Variants in LAP3 observed in about 807,000 individuals in gnomAD.
The protein encoded by LAP3 is leucine aminopeptidase 3.
In LAP3, 46 loss-of-function variants were observed where a neutral mutation model predicts 58.8. That is an observed-to-expected ratio of 0.78 (90% confidence interval 0.62 to 1.00). The LOEUF is 1.00. Among genes scored for constraint, LAP3 ranks in the 50% least tolerant of loss-of-function variants. The pLI, the probability that LAP3 is intolerant of heterozygous loss-of-function variation, is 0.00. For missense variants in LAP3, 615 were observed against 659.1 expected, an observed-to-expected ratio of 0.93 and a Z score of 0.73; for synonymous variants, 257 against 237.7, an observed-to-expected ratio of 1.08 and a Z score of -0.75.
chr4:17,583,314 C>T lies in LAP3; in HGVS notation c.380-169C>T, dbSNP rs1341381686. The T allele has an allele frequency of 1.1e-5, 8 of 723,786 alleles. 1 individual carries two copies. In the African/African-American group the frequency reaches 1.4e-4, roughly 13 times the overall value. 44.8% of individuals were successfully genotyped at this position (723,786 alleles called of 1,614,324 possible). A position where few individuals can be genotyped will look rare whatever the true frequency, so the allele number is the denominator to read the frequency against. ...TGAGGTACTTGCTGTAAAATGCACT[C>T]ACGTCTTCATTTTACAGAAGAGGAA... On this transcript the variant is annotated intron_variant, in intron 4 of 12. Coordinates refer to ENST00000226299, the MANE Select transcript of LAP3 (RefSeq NM_015907.3).
intron 5 of LAP3, 28 bp downstream of exon 5, chr4:17,583,670 G>C: frequency 1.9e-6 from 3 of 1,613,098 alleles, no homozygotes; most frequent in Non-Finnish European, 2.5e-6. Flanking sequence ...GGAGGAGGGT[G>C]GTGCTCCCTG....
chr4:17,581,449 G>A (rs891915164), intron 2 of LAP3, among the ~76,000 whole-genome samples: 3 of 152,046 alleles, frequency 2.0e-5, no homozygotes, highest in African/African-American at 2.4e-5. Context: ...GGCTGGGCAC[G>A]GTAGATCAGC....
intron 6 of LAP3, among the ~76,000 whole-genome samples, chr4:17,586,442 T>C (rs923014972): frequency 2.6e-5 from 4 of 152,204 alleles, no homozygotes; most frequent in Non-Finnish European, 5.9e-5. Flanking sequence ...GAATGGTTAG[T>C]ATATGTTTAA....
intron 10 of LAP3, among the ~76,000 whole-genome samples, chr4:17,599,913 T>G (rs1056318584): frequency 1.1e-4 from 17 of 152,282 alleles, no homozygotes; most frequent in African/African-American, 3.8e-4. Flanking sequence ...GCATTGGTAC[T>G]TGGGGACAAT....
At position 17,585,031 on chromosome 4, in the gene LAP3, G is replaced by T. The variant is rs750498172; in HGVS notation, c.599G>T (p.Arg200Leu). The change falls in exon 6 of 13, where the codon CGC becomes CTC. Residue 200 changes from arginine to leucine, a missense_variant. By Grantham distance (102) the Arg-to-Leu change is moderately radical (BLOSUM62 -2). Coordinates refer to ENST00000226299, the MANE Select transcript of LAP3 (RefSeq NM_015907.3). ...VLFASGQNLARQLMETPANEM... is the reference protein window; with the variant it reads ...VLFASGQNLALQLMETPANEM... ...TTTGCTTCTGGGCAGAACTTGGCAC[G>T]CCAATTGATGGAGACGCCAGCCAAT... is the stretch of plus-strand genomic sequence containing the variant. 6.2e-7 allele frequency: 1 copy of T among 1,614,098 alleles called. No homozygotes were observed.
rs925562360 is a variant in LAP3, at chr4:17,577,309, C to G, written c.-157C>G. On this transcript the variant is annotated 5_prime_UTR_variant, in exon 1 of 13. Coordinates refer to ENST00000226299, the MANE Select transcript of LAP3 (RefSeq NM_015907.3). ...AGCGGTCCAGTCGGCCGGTGCTGCC[C>G]ATCCGTCCCGCCCCCTAGACGCACG... The G allele has an allele frequency of 2.1e-5, 11 of 519,944 alleles. No homozygotes were observed. The highest frequency in any genetic ancestry group is 4.4e-5 in the Admixed American group (1 of 22,874). The allele number at this position is 519,944 out of a possible 1,614,324, so 32.2% of individuals were successfully genotyped here. A position where few individuals can be genotyped will look rare whatever the true frequency, so the allele number is the denominator to read the frequency against.
At chr4:17,580,702 A>G (rs929184769) in intron 2 of LAP3, among the ~76,000 whole-genome samples, 3 of 152,094 alleles carry the variant, frequency 2.0e-5, no homozygotes, top group African/African-American at 7.2e-5. Context: ...GCCTGCCTGA[A>G]GTTTCAAGGG....
intron 7 of LAP3, among the ~76,000 whole-genome samples, chr4:17,593,633 A>T: frequency 6.4e-5 from 1 of 15,560 alleles, no homozygotes; most frequent in South Asian, 1.3e-3. Flanking sequence ...TTTTTTTGAG[A>T]CAGTGTCTCA....
At position 17,577,481 on chromosome 4, in the gene LAP3, C is replaced by T. The variant is rs757475101; in HGVS notation, c.16C>T (p.Leu6Phe). 49 of 1,580,804 alleles carry T rather than the reference C, an allele frequency of 3.1e-5. No homozygotes were observed. The Admixed American group carries it at 7.9e-4, about 25-fold the overall frequency. ...AGCCGACAAGATGTTCTTGCTGCCTCTTCCGGCTGCGGGGCGAGTAGTCGT... is the reference window on the plus strand; with the variant it reads ...AGCCGACAAGATGTTCTTGCTGCCTTTTCCGGCTGCGGGGCGAGTAGTCGT... MFLLP[L>F]PAAGRVVVRR... The change falls in exon 1 of 13, where the codon CTT becomes TTT. Residue 6 changes from leucine (L) to phenylalanine (F), a missense_variant. Transcript: ENST00000226299.
intron 1 of LAP3, among the ~76,000 whole-genome samples, chr4:17,578,447 GGAAAAGACC>G (rs1229676582): frequency 6.6e-6 from 1 of 152,194 alleles, no homozygotes; most frequent in Admixed American, 6.5e-5. Flanking sequence ...TTTCTTTGGT[GGAAAAGACC>G]GAGAGGGCAC....
intron 6 of LAP3, chr4:17,586,141 G>A (rs1050375455): frequency 6.6e-6 from 1 of 152,248 alleles, no homozygotes; most frequent in African/African-American, 2.4e-5. Flanking sequence ...GGAGCTGAAA[G>A]CCTGCTCGTC....
In LAP3 at chr4:17,607,736, T is replaced by G; in HGVS notation, c.*147T>G. 2 of 566,568 alleles carry G rather than the reference T, an allele frequency of 3.5e-6. No homozygotes were observed. The highest frequency in any genetic ancestry group is 5.9e-6 in the Non-Finnish European group (2 of 337,590). The allele number at this position is 566,568 out of a possible 1,614,324, so 35.1% of individuals were successfully genotyped here. On this transcript the variant is annotated 3_prime_UTR_variant, in exon 13 of 13. Transcript: ENST00000226299. Reference sequence around the variant, plus strand: ...CACAATGAAATTTGTATGCCTTGATTTTTTTTTCATTTCACACAAAGATTT... The same window carrying G: ...CACAATGAAATTTGTATGCCTTGATGTTTTTTTCATTTCACACAAAGATTT...
intron 5 of LAP3, among the ~76,000 whole-genome samples, chr4:17,584,137 A>G (rs1260066241): frequency 6.6e-6 from 1 of 152,242 alleles, no homozygotes; most frequent in Non-Finnish European, 1.5e-5. Flanking sequence ...GGGCCCTGGC[A>G]CTGGCCAAGG....
At position 17,583,632 on chromosome 4, in the gene LAP3, C is replaced by T; in HGVS notation, c.529C>T (p.Leu177Phe). Reference protein sequence around the residue: ...QKKKMAVSAKLYGSGDQEAWQ... With the variant: ...QKKKMAVSAKFYGSGDQEAWQ... Reference sequence around the variant, plus strand: ...AAAGAAGATGGCTGTGTCGGCAAAGCTCTATGGAAGGTGATGGAAGCAAAT... The same window carrying T: ...AAAGAAGATGGCTGTGTCGGCAAAGTTCTATGGAAGGTGATGGAAGCAAAT... The change falls in exon 5 of 13, where the codon CTC (leucine) becomes TTC (phenylalanine). Residue 177 changes from leucine to phenylalanine, a missense_variant. Physicochemically the swap from Leu to Phe is conservative, Grantham distance 22. Coordinates refer to ENST00000226299, the MANE Select transcript of LAP3 (RefSeq NM_015907.3). The T allele has an allele frequency of 1.2e-6, 2 of 1,613,442 alleles. No homozygotes were observed. The highest frequency in any genetic ancestry group is 1.7e-6 in the Non-Finnish European group (2 of 1,180,032).
intron 7 of LAP3, among the ~76,000 whole-genome samples, chr4:17,591,267 A>G: frequency 6.6e-6 from 1 of 151,778 alleles, no homozygotes; most frequent in East Asian, 1.9e-4. Flanking sequence ...TTTAGTCCCG[A>G]GTAGCTGGGA....
rs138275147 is a variant in LAP3, at chr4:17,582,608, A to G, written c.379+215A>G. On this transcript the variant is annotated intron_variant, in intron 4 of 12. Coordinates refer to ENST00000226299, the MANE Select transcript of LAP3 (RefSeq NM_015907.3). ...ATGGAATTTTATTTTTAATATATCT[A>G]TATCTCATTTGGGTGTTTTACTACC... 1.3e-3 allele frequency: 613 copies of G among 472,392 alleles called. 5 individuals are homozygous for G. The highest frequency in any genetic ancestry group is 0.011 in the African/African-American group (542 of 50,528). 29.3% of individuals were successfully genotyped at this position (472,392 alleles called of 1,614,324 possible).
chr4:17,583,827 G>A (rs1444453411), intron 5 of LAP3, among the ~76,000 whole-genome samples, 185 bp downstream of exon 5: 1 of 152,074 alleles, frequency 6.6e-6, no homozygotes, highest in Admixed American at 6.5e-5. Context: ...CCTGGCTCTC[G>A]GCATATGTCT....
chr4:17,602,482 A>G (rs1714005460), intron 10 of LAP3, among the ~76,000 whole-genome samples: 1 of 152,220 alleles, frequency 6.6e-6, no homozygotes, highest in South Asian at 2.1e-4. Context: ...AAGTCAGCCA[A>G]TGGGACACAA....
At chr4:17,585,389 A>G (rs1713483470) in intron 6 of LAP3, 1 of 271,630 alleles carries the variant, frequency 3.7e-6, no homozygotes, top group African/African-American at 2.2e-5. Context: ...TTCAGACACA[A>G]TTAACATGCC....
Sources: gnomAD v4.1 joint callset for allele counts (sites outside exome capture counted in the v4.1 genomes callset) on GRCh38, gnomAD v4.1.1 for gene constraint, MANE v1.5 for transcripts, NCBI Gene and HGNC (gene_info 2026-07-23, HGNC 2026-07-21) for gene names.